The following SPTLC3 variants were observed in gnomAD, a reference collection of about 807,000 sequenced individuals.
SPTLC3 encodes serine palmitoyltransferase long chain base subunit 3, also known as serine palmitoyltransferase 3.
Under a neutral mutation model 59.3 loss-of-function variants are expected in SPTLC3, and 36 were observed. That is an observed-to-expected ratio of 0.61 (90% CI 0.47 to 0.80). SPTLC3 has a LOEUF of 0.80. SPTLC3 is among the 30% of genes least tolerant of loss of function. SPTLC3 has a pLI of 0.00. For missense variants in SPTLC3, 625 were observed against 685.1 expected (o/e 0.91, Z 0.98); for synonymous variants, 257 against 240.8 (o/e 1.07, Z -0.62).
chr20:13,119,956 C>A (rs896470505), intron 8 of SPTLC3, among the ~76,000 whole-genome samples: 1 of 152,130 alleles, frequency 6.6e-6, no homozygotes, highest in African/African-American at 2.4e-5. Context: ...CTTAATGAGC[C>A]CATGATTTGA....
intron 1 of SPTLC3, among the ~76,000 whole-genome samples, chr20:13,033,677 A>G (rs1307665322): frequency 3.3e-5 from 5 of 152,180 alleles, no homozygotes; most frequent in African/African-American, 1.2e-4. Context: ...TTAAAAGATA[A>G]TAAGAGATAA....
intron 5 of SPTLC3, among the ~76,000 whole-genome samples, 171 bp from the exon 6 acceptor site, chr20:13,093,313 C>T (rs1989294762): frequency 6.6e-6 from 1 of 152,210 alleles, no homozygotes; most frequent in Non-Finnish European, 1.5e-5. Context: ...CAGCTAACTG[C>T]TATACATGAT....
chr20:13,072,215 A>G (rs911170306), intron 2 of SPTLC3, 41 bp from the exon 3 acceptor site: 4 of 1,564,854 alleles, frequency 2.6e-6, no homozygotes, highest in Middle Eastern at 3.4e-4. Context: ...AAATCCAGAA[A>G]GCAAAGAACC....
intron 2 of SPTLC3, among the ~76,000 whole-genome samples, chr20:13,054,466 G>A (rs1987634881): frequency 1.3e-5 from 2 of 152,174 alleles, no homozygotes; most frequent in Non-Finnish European, 2.9e-5. Context: ...AAAAATCTAG[G>A]TGAGATGGTT....
intron 4 of SPTLC3, chr20:13,079,857 C>T (rs944782944): frequency 4.6e-6 from 2 of 436,832 alleles, no homozygotes; most frequent in Admixed American, 2.6e-5. Context: ...AGGCACTCTT[C>T]CCTGTTGGAG....
Position 13,093,574 on chromosome 20 carries a change from AAC to A in SPTLC3, c.825_826del (p.Asn275LysfsTer62). On this transcript the variant is annotated frameshift_variant and splice_region_variant, in exon 6 of 12. Transcript: ENST00000399002. LOFTEE classifies it high-confidence loss of function. ...TGCAACCATAAGAATCTTCAAACAC[AAC>A]AGTGAGTATCAGTGTATTTTCTCAA... ...SGATIRIFKH[N>X]NTQSLEKLLR... 6.2e-7 allele frequency: 1 copy of A among 1,613,166 alleles called. No homozygotes were observed. Among genetic ancestry groups the A allele is most frequent in the Non-Finnish European group, 8.5e-7 (1 of 1,179,232 alleles).
chr20:13,049,614 AT>A (rs5840549), intron 2 of SPTLC3: 155,462 of 156,112 alleles, frequency 1, 77,411 homozygotes, highest in Middle Eastern at 1. Flanking sequence ...TTTTGAACCA[AT>A]TTTTTTGGGC....
chr20:13,026,722 G>A (rs1986164676), intron 1 of SPTLC3, among the ~76,000 whole-genome samples: 1 of 152,208 alleles, frequency 6.6e-6, no homozygotes, highest in Admixed American at 6.5e-5. Context: ...GACCCTGCTG[G>A]TGCCATGTCC....
In SPTLC3 at chr20:13,104,968, C is replaced by T. The variant is rs545886402; in HGVS notation, c.827-5144C>T. Among the ~76,000 whole-genome samples the T allele has an allele frequency of 5.3e-5, 8 of 152,120 alleles. No homozygotes were observed. In the South Asian group the frequency reaches 1.7e-3, roughly 32 times the overall value. On this transcript the variant is annotated intron_variant, in intron 6 of 11. Coordinates refer to ENST00000399002, the MANE Select transcript of SPTLC3 (RefSeq NM_018327.4). ...TTCTCAGAGGTGTCATGGGGATTAA[C>T]ATAATGCAAGTGTAAGTGCCTTAAT...
chr20:13,164,242 A>C (rs540124124), intron 11 of SPTLC3: 3 of 429,078 alleles, frequency 7.0e-6, no homozygotes, highest in African/African-American at 6.2e-5. Flanking sequence ...GTTAAGTTCT[A>C]GTATTTTCTG....
intron 10 of SPTLC3, among the ~76,000 whole-genome samples, chr20:13,155,353 T>C (rs2038744187): frequency 6.6e-6 from 1 of 152,176 alleles, no homozygotes; most frequent in African/African-American, 2.4e-5. Flanking sequence ...TGTTTGACTC[T>C]CTAATAGCCT....
rs765754855 is a variant in SPTLC3 at position 13,160,083 on chromosome 20, G to C, written c.1496G>C (p.Arg499Pro). The C allele has an allele frequency of 1.2e-6, 2 of 1,613,728 alleles. No individual in the cohort carries two copies. The highest frequency in any genetic ancestry group is 1.7e-6 in the Non-Finnish European group (2 of 1,179,896). The change falls in exon 11 of 12, where the codon CGG becomes CCG. Residue 499 changes from arginine (R) to proline (P), a missense_variant. By Grantham distance (103) the Arg-to-Pro change is moderately radical. Transcript: ENST00000399002. Reference protein sequence around the residue: ...GFPATPLAEARARFCVSAAHT... With the variant: ...GFPATPLAEAPARFCVSAAHT... ...CCAGCCACTCCCCTCGCAGAAGCTC[G>C]GGCTCGGTTTTGTGTTTCAGCGGCA...
At chr20:13,120,622 A>G (rs1275627713) in intron 8 of SPTLC3, among the ~76,000 whole-genome samples, 3 of 152,354 alleles carry the variant, frequency 2.0e-5, no homozygotes, top group Middle Eastern at 3.4e-3. Flanking sequence ...GGTCAAGGTC[A>G]GAGTTTTATA....
At chr20:13,159,917 A>G (rs771492901) in intron 10 of SPTLC3, 86 bp from the exon 11 acceptor site, 87 of 1,426,668 alleles carry the variant, frequency 6.1e-5, no homozygotes, top group African/African-American at 7.1e-5. Flanking sequence ...GAAAAAATCA[A>G]TTAGCCATAT....
Position 13,051,774 on chromosome 20 carries a change from C to T in SPTLC3, c.303+2644C>T, listed in dbSNP as rs375517258. On this transcript the variant is annotated intron_variant, in intron 2 of 11. Transcript: ENST00000399002. Reference sequence around the variant, plus strand: ...ACAGTGGAATAAAACTGGAAATCAACTCCAAAAGGAACCTTCAAAACCATG... The same window carrying T: ...ACAGTGGAATAAAACTGGAAATCAATTCCAAAAGGAACCTTCAAAACCATG... Among the ~76,000 whole-genome samples the T allele has an allele frequency of 4.1e-4, 63 of 152,278 alleles. 2 individuals carry two copies. The highest frequency in any genetic ancestry group is 3.3e-3 in the South Asian group (16 of 4,826).
chr20:13,074,106 C>T, intron 3 of SPTLC3: 1 of 682,120 alleles, frequency 1.5e-6, no homozygotes. Context: ...TTTCCAGCTT[C>T]CAGGGACTAA....
At chr20:13,020,939 TA>T (rs959853947) in intron 1 of SPTLC3, among the ~76,000 whole-genome samples, 115 of 152,282 alleles carry the variant, frequency 7.6e-4, no homozygotes, top group African/African-American at 2.7e-3. Context: ...GATTATTATC[TA>T]TTAACATTAG....
At chr20:13,057,803 A>C (rs780207906) in intron 2 of SPTLC3, among the ~76,000 whole-genome samples, 3 of 152,236 alleles carry the variant, frequency 2.0e-5, no homozygotes, top group Non-Finnish European at 4.4e-5. Context: ...GAGTTGAACC[A>C]CAAGTTCTCA....
At chr20:13,090,412 G>A (rs534202649) in intron 4 of SPTLC3, among the ~76,000 whole-genome samples, 1 of 152,132 alleles carries the variant, frequency 6.6e-6, no homozygotes, top group South Asian at 2.1e-4. Context: ...AGTTTTATTG[G>A]TATCTATGGA....
Sources: allele counts gnomAD v4.1 joint callset (sites outside exome capture counted in the v4.1 genomes callset), GRCh38; gene constraint gnomAD v4.1.1; transcripts MANE v1.5; gene names NCBI Gene and HGNC (gene_info 2026-07-23, HGNC 2026-07-21).